Variants in LAMP3 observed in about 807,000 individuals in gnomAD.
LAMP3 encodes the protein lysosome-associated membrane glycoprotein 3.
In LAMP3, 26 loss-of-function variants were observed where a neutral mutation model predicts 34.8. That is an observed-to-expected ratio of 0.75 (90% CI 0.55 to 1.04). The LOEUF (loss-of-function observed/expected upper bound fraction) is 1.04. LAMP3 is among the 50% of genes least tolerant of loss of function. LAMP3 has a pLI of 0.00. For synonymous variants in LAMP3, 180 were observed against 201.9 expected, an observed-to-expected ratio of 0.89 and a Z score of 0.92; for missense variants, 495 against 524.0, an observed-to-expected ratio of 0.94 and a Z score of 0.54.
At chr3:183,150,291 A>G (rs562852552) in intron 3 of LAMP3, among the ~76,000 whole-genome samples, 71 of 152,314 alleles carry the variant, frequency 4.7e-4, no homozygotes, top group African/African-American at 1.5e-3. Context: ...ATCCAGCCCG[A>G]AGGAATAGGA....
intron 4 of LAMP3, among the ~76,000 whole-genome samples, chr3:183,139,741 C>T (rs1482389034): frequency 6.6e-6 from 1 of 152,114 alleles, no homozygotes; most frequent in African/African-American, 2.4e-5. Flanking sequence ...CGAATAAGGT[C>T]GGGGGGCAGT....
chr3:183,159,481 G>A (rs1720914581), intron 1 of LAMP3, among the ~76,000 whole-genome samples: 1 of 152,212 alleles, frequency 6.6e-6, no homozygotes, highest in Non-Finnish European at 1.5e-5. Flanking sequence ...GCAGAGCTCT[G>A]AGGAGCACAG....
At chr3:183,152,623 G>T in intron 2 of LAMP3, 120 bp from the exon 3 acceptor site, 3 of 845,516 alleles carry the variant, frequency 3.5e-6, no homozygotes, top group Non-Finnish European at 5.4e-6. Flanking sequence ...CTGGAGAACT[G>T]CAAAGTCCCC....
At chr3:183,144,283 A>G (rs1278230444) in intron 3 of LAMP3, among the ~76,000 whole-genome samples, 1 of 152,184 alleles carries the variant, frequency 6.6e-6, no homozygotes, top group Non-Finnish European at 1.5e-5. Flanking sequence ...AAGATATACT[A>G]TATGCGAAGT....
chr3:183,144,826 A>G (rs753089611), intron 3 of LAMP3, among the ~76,000 whole-genome samples: 5 of 152,204 alleles, frequency 3.3e-5, no homozygotes, highest in Non-Finnish European at 7.3e-5. Flanking sequence ...GGATCACTTG[A>G]GTCCAGGAGG....
chr3:183,134,092 T>G (rs1365188745), intron 5 of LAMP3, among the ~76,000 whole-genome samples: 1 of 152,196 alleles, frequency 6.6e-6, no homozygotes, highest in Non-Finnish European at 1.5e-5. Flanking sequence ...ATTTACAGAA[T>G]GACATACCTC....
chr3:183,143,620 C>T (rs1015453673), intron 3 of LAMP3, among the ~76,000 whole-genome samples: 5 of 152,040 alleles, frequency 3.3e-5, no homozygotes, highest in East Asian at 1.9e-4. Context: ...GGGTTAATGG[C>T]GTGGGGATAT....
chr3:183,151,651 C>A (rs1394789047), intron 3 of LAMP3, among the ~76,000 whole-genome samples: 1 of 152,028 alleles, frequency 6.6e-6, no homozygotes, highest in Non-Finnish European at 1.5e-5. Flanking sequence ...TGGTCTCGAA[C>A]TCCTGACCTC....
intron 3 of LAMP3, among the ~76,000 whole-genome samples, chr3:183,142,633 TCCTGCCCTA>T (rs1384204174): frequency 3.9e-5 from 6 of 152,092 alleles, no homozygotes; most frequent in Non-Finnish European, 8.8e-5. Context: ...CAAAGCAAGA[TCCTGCCCTA>T]CATTTTCCTC....
intron 5 of LAMP3, chr3:183,132,034 C>T: frequency 1.0e-6 from 1 of 985,346 alleles, no homozygotes; most frequent in South Asian, 4.7e-5. Flanking sequence ...CTGTCTCCCT[C>T]CTGTCCTGCA....
At chr3:183,156,473 A>G (rs2108613972) in intron 1 of LAMP3, among the ~76,000 whole-genome samples, 1 of 152,338 alleles carries the variant, frequency 6.6e-6, no homozygotes, top group African/African-American at 2.4e-5. Context: ...GTTTACCCAC[A>G]GACTCTCAGG....
intron 5 of LAMP3, 128 bp downstream of exon 5, chr3:183,135,589 T>C (rs1201587240): frequency 2.2e-6 from 2 of 899,416 alleles, no homozygotes; most frequent in Admixed American, 2.2e-5. Flanking sequence ...GTGAGCTATG[T>C]GGAATCACAC....
At chr3:183,130,400 C>T (rs369107520) in intron 5 of LAMP3, among the ~76,000 whole-genome samples, 17 of 152,062 alleles carry the variant, frequency 1.1e-4, no homozygotes, top group Middle Eastern at 3.4e-3. Flanking sequence ...CCTCATGATC[C>T]GCCCGCCTCG....
rs1382600943 is a variant in LAMP3 at position 183,122,587 on chromosome 3, A to G, written c.*1494T>C. On this transcript the variant is annotated 3_prime_UTR_variant, in exon 6 of 6. Coordinates refer to ENST00000265598, the MANE Select transcript of LAMP3 (RefSeq NM_014398.4). The stretch of plus-strand genomic sequence containing the variant: ...GGTTAGCGAAGTTTCTCTATTATCA[A>G]AAAAATTTAAAAATACTTTGAGTTT... The G allele has an allele frequency of 6.6e-6, 1 of 152,250 alleles. No individual in the cohort carries two copies. The highest frequency in any genetic ancestry group is 1.5e-5 in the Non-Finnish European group (1 of 68,048). The allele number at this position is 152,250 out of a possible 1,614,324, so 9.4% of individuals were successfully genotyped here.
chr3:183,138,960 C>A (rs1415296960), intron 4 of LAMP3, among the ~76,000 whole-genome samples: 1 of 152,126 alleles, frequency 6.6e-6, no homozygotes, highest in Non-Finnish European at 1.5e-5. Context: ...CCAGATACCC[C>A]CAAAGAGCTG....
Position 183,153,956 on chromosome 3 carries a change from G to T in LAMP3, c.485C>A (p.Pro162His). The T allele has an allele frequency of 6.2e-7, 1 of 1,614,220 alleles. No homozygotes were observed. Among genetic ancestry groups the T allele is most frequent in the Non-Finnish European group, 8.5e-7 (1 of 1,180,042 alleles). ...TGCTGGAAGGGTGGTCTGGTTACTG[G>T]GTTGAGTGGTGTTCCCAGTTGTGTG... is the stretch of plus-strand genomic sequence containing the variant. ...VSHTTGNTTQ[P>H]SNQTTLPATL... The change falls in exon 2 of 6, where the codon CCC (proline) becomes CAC (histidine). Residue 162 changes from proline to histidine, a missense_variant. By Grantham distance (77) the Pro-to-His change is moderately conservative (BLOSUM62 -2). Coordinates refer to ENST00000265598, the MANE Select transcript of LAMP3 (RefSeq NM_014398.4).
At chr3:183,127,908 G>A (rs1719821367) in intron 5 of LAMP3, among the ~76,000 whole-genome samples, 1 of 152,026 alleles carries the variant, frequency 6.6e-6, no homozygotes, top group African/African-American at 2.4e-5. Flanking sequence ...GAGGCAGGTG[G>A]ATCTCAAGGT....
intron 1 of LAMP3, among the ~76,000 whole-genome samples, chr3:183,156,161 A>G (rs1268714689): frequency 6.6e-6 from 1 of 152,210 alleles, no homozygotes; most frequent in African/African-American, 2.4e-5. Context: ...GGAGTTCAAG[A>G]CCAGCCTGGC....
chr3:183,133,905 G>T lies in LAMP3; in HGVS notation c.1117+1812C>A, dbSNP rs16833718. ...TTCCTCTCCAGTTCTTCGATCCCCT[G>T]TTTAAAAATCGCCTATCACTCAAGA... On this transcript the variant is annotated intron_variant, in intron 5 of 5. Transcript: ENST00000265598. Among the ~76,000 whole-genome samples the T allele has an allele frequency of 5.2e-3, 790 of 152,244 alleles. 2 individuals are homozygous for T. Among genetic ancestry groups the T allele is most frequent in the African/African-American group, 0.018 (768 of 41,536 alleles).
Sources: gnomAD v4.1 joint callset for allele counts (sites outside exome capture counted in the v4.1 genomes callset) on GRCh38, gnomAD v4.1.1 for gene constraint, MANE v1.5 for transcripts, NCBI Gene and HGNC (gene_info 2026-07-23, HGNC 2026-07-21) for gene names.